RBFOX3: variants seen among roughly 807,000 people sequenced by gnomAD.
The protein encoded by RBFOX3 is RNA binding protein fox-1 homolog 3.
Under a neutral mutation model 48.7 loss-of-function variants are expected in RBFOX3, and 17 were observed. The ratio of observed to expected loss-of-function variants is 0.35; its 90% CI spans 0.24 to 0.52. RBFOX3 has a LOEUF of 0.52. Ranked by LOEUF, RBFOX3 falls within the 20% of genes least tolerant of loss-of-function variation. RBFOX3 has a pLI of 0.94. For synonymous variants in RBFOX3, 212 were observed against 209.5 expected (o/e 1.01, Z -0.10); for missense variants, 382 against 497.5 (o/e 0.77, Z 2.21).
chr17:79,541,036 G>A (rs1425995360), intron 1 of RBFOX3, among the ~76,000 whole-genome samples: 3 of 152,248 alleles, frequency 2.0e-5, no homozygotes, highest in South Asian at 2.1e-4. Context: ...AGCCACAGAC[G>A]AGACATTAGC....
intron 1 of RBFOX3, among the ~76,000 whole-genome samples, chr17:79,508,516 C>T (rs1190895638): frequency 6.6e-6 from 1 of 152,230 alleles, no homozygotes; most frequent in Non-Finnish European, 1.5e-5. Context: ...GCTCCCCGCA[C>T]CCCCACAGGC....
rs2060410486 is a variant in RBFOX3, at chr17:79,385,194, A to C, written c.-174-77370T>G. The stretch of plus-strand genomic sequence containing the variant: ...TGGGAAGGGCAGAGACGGGAAGGGG[A>C]GGACAGAGCCTGGGAAGAGAGCTCT... On this transcript the variant is annotated intron_variant, in intron 2 of 14. Transcript: ENST00000693108. Among the ~76,000 whole-genome samples the C allele has an allele frequency of 3.3e-5, 5 of 152,304 alleles. No individual in the cohort carries two copies. The South Asian group carries it at 1.0e-3, about 32-fold the overall frequency.
intron 2 of RBFOX3, among the ~76,000 whole-genome samples, chr17:79,458,955 G>A (rs1224193958): frequency 2.0e-5 from 3 of 152,196 alleles, no homozygotes; most frequent in African/African-American, 7.2e-5. Context: ...GGAAGCTGGG[G>A]CACCTGCCTG....
chr17:79,283,265 CTTTTTT>C (rs11307023), intron 3 of RBFOX3, among the ~76,000 whole-genome samples: 10 of 114,584 alleles, frequency 8.7e-5, no homozygotes, highest in Non-Finnish European at 8.8e-5. Context: ...TGTTCCTTTT[CTTTTTT>C]TTTTTTTTTT....
In RBFOX3 at chr17:79,198,145, G is replaced by A. The variant is rs140590541; in HGVS notation, c.-34+37621C>T. Among the ~76,000 whole-genome samples the A allele has an allele frequency of 3.9e-4, 59 of 152,146 alleles. No homozygotes were observed. Among genetic ancestry groups the A allele is most frequent in the African/African-American group, 1.4e-3 (56 of 41,458 alleles). On this transcript the variant is annotated intron_variant, in intron 4 of 14. Coordinates refer to ENST00000693108, the MANE Select transcript of RBFOX3 (RefSeq NM_001350451.2). This position sits in a 1 kb window ranked among gnomAD's most constrained non-coding sequence, Gnocchi z 8.2. ...ATCCCGGAAGTGCTACGGTTGCATC[G>A]TGTGGGGTGGGCTGTCATCCCGGAA... is the stretch of plus-strand genomic sequence containing the variant.
At chr17:79,201,775 C>A (rs1311779372) in intron 4 of RBFOX3, among the ~76,000 whole-genome samples, 1 of 152,204 alleles carries the variant, frequency 6.6e-6, no homozygotes, top group African/African-American at 2.4e-5. Context: ...TCTGTCTTCA[C>A]CCCTTCCCAC....
At chr17:79,647,952 G>A in the RBFOX3 span, among the ~76,000 whole-genome samples, 9 of 151,812 alleles carry the variant, frequency 5.9e-5, no homozygotes, top group Admixed American at 2.0e-4. Context: ...GGGTGCAGTG[G>A]TGGACACAGA....
At chr17:79,524,392 C>T (rs928100570) in intron 1 of RBFOX3, among the ~76,000 whole-genome samples, 1 of 152,150 alleles carries the variant, frequency 6.6e-6, no homozygotes, top group African/African-American at 2.4e-5. Context: ...GGAGGCAGCC[C>T]GCTCTCTCTT....
At chr17:79,292,450 T>C (rs1002006520) in intron 3 of RBFOX3, among the ~76,000 whole-genome samples, 1 of 152,008 alleles carries the variant, frequency 6.6e-6, no homozygotes, top group Admixed American at 6.6e-5. Context: ...GTGGCACCAG[T>C]CACTAGCATG....
chr17:79,449,622 A>AACACACAC (rs57480439), intron 2 of RBFOX3, among the ~76,000 whole-genome samples: 25,763 of 144,444 alleles, frequency 0.18, 2,548 homozygotes, highest in East Asian at 0.39. Context: ...TGCACACATA[A>AACACACAC]ACACACACAC....
At chr17:79,240,258 T>G (rs2062163831) in intron 3 of RBFOX3, among the ~76,000 whole-genome samples, 1 of 152,206 alleles carries the variant, frequency 6.6e-6, no homozygotes, top group Non-Finnish European at 1.5e-5. Context: ...TTAGTAAAAC[T>G]CATCGTTAGT....
chr17:79,640,127 C>G, the RBFOX3 span, among the ~76,000 whole-genome samples: 1 of 152,002 alleles, frequency 6.6e-6, no homozygotes, highest in Admixed American at 6.6e-5. Context: ...TTACAGAATA[C>G]AAAGTCAACA....
the RBFOX3 span, among the ~76,000 whole-genome samples, chr17:79,651,703 C>T: frequency 2.0e-5 from 2 of 99,326 alleles, no homozygotes; most frequent in Non-Finnish European, 2.2e-5. Flanking sequence ...CCCCTCCCCC[C>T]TCCCTCCCTG....
chr17:79,328,687 C>A (rs1237865386), intron 2 of RBFOX3, among the ~76,000 whole-genome samples: 1 of 152,200 alleles, frequency 6.6e-6, no homozygotes, highest in African/African-American at 2.4e-5. Flanking sequence ...GAGACCCAAG[C>A]AAACTGCTGG....
the RBFOX3 span, among the ~76,000 whole-genome samples, chr17:79,664,179 C>CT: frequency 6.7e-3 from 972 of 145,738 alleles, 11 homozygotes; most frequent in Admixed American, 0.019. Context: ...CCATTCTTAC[C>CT]TTTTTTTTTT....
chr17:79,579,728 G>A (rs2092985332), intron 1 of RBFOX3, among the ~76,000 whole-genome samples: 1 of 149,862 alleles, frequency 6.7e-6, no homozygotes, highest in Admixed American at 6.6e-5. Flanking sequence ...GGAGTCACTG[G>A]CGCCGTGGTG....
Position 79,311,447 on chromosome 17 carries a change from A to G in RBFOX3, c.-174-3623T>C, listed in dbSNP as rs59378242. Among the ~76,000 whole-genome samples the G allele has an allele frequency of 6.6e-6, 1 of 151,768 alleles. No individual in the cohort carries two copies. Among genetic ancestry groups the G allele is most frequent in the Non-Finnish European group, 1.5e-5 (1 of 67,944 alleles). On this transcript the variant is annotated intron_variant, in intron 2 of 14. Coordinates refer to ENST00000693108, the MANE Select transcript of RBFOX3 (RefSeq NM_001350451.2). This position sits in a 1 kb window ranked among gnomAD's most constrained non-coding sequence, Gnocchi z 4.2. ...AGACTCCATCTCCAAAAAAAAAAAA[A>G]AAAAAAACAGACTGCAGCACCAATT...
intron 4 of RBFOX3, among the ~76,000 whole-genome samples, chr17:79,150,862 CCG>C (rs1293881040): frequency 1.3e-5 from 2 of 152,310 alleles, no homozygotes; most frequent in Non-Finnish European, 2.9e-5. Flanking sequence ...CTCAGTGTCC[CCG>C]TGTGCGCAAT....
intron 4 of RBFOX3, among the ~76,000 whole-genome samples, chr17:79,156,444 G>A (rs528329542): frequency 1.3e-5 from 2 of 152,274 alleles, no homozygotes; most frequent in East Asian, 1.9e-4. Flanking sequence ...CACTGCGGGG[G>A]CAGGGGAGAA....
Sources: allele counts gnomAD v4.1 joint callset (sites outside exome capture counted in the v4.1 genomes callset), GRCh38; gene constraint gnomAD v4.1.1; non-coding constraint Gnocchi (gnomAD v3.1); transcripts MANE v1.5; gene names NCBI Gene and HGNC (gene_info 2026-07-23, HGNC 2026-07-21).